Variants in IFT88 observed in about 807,000 individuals in gnomAD.
The protein encoded by IFT88 is intraflagellar transport 88, also known as intraflagellar transport protein 88 homolog.
IFT88 carries 74 observed loss-of-function variants against 119.5 expected under a neutral mutation model. That is an observed-to-expected ratio of 0.62 (90% CI 0.51 to 0.75). The LOEUF (loss-of-function observed/expected upper bound fraction) is 0.75, where lower values mean the gene tolerates loss of function less well. IFT88 is among the 30% of genes least tolerant of loss of function. The pLI is 0.00. For synonymous variants in IFT88, 279 were observed against 316.7 expected, an observed-to-expected ratio of 0.88 and a Z score of 1.26; for missense variants, 961 against 977.7, an observed-to-expected ratio of 0.98 and a Z score of 0.23.
At position 20,666,822 on chromosome 13, in the gene IFT88, G is replaced by C. The variant is rs552000782; in HGVS notation, c.2175+3218G>C. On this transcript the variant is annotated intron_variant, in intron 23 of 25. Coordinates refer to ENST00000351808, the MANE Select transcript of IFT88 (RefSeq NM_006531.5). ...TTTAATCCAAACAAAAATATATAAA[G>C]AAAAAAGTGAAAATCACCTATCCCA... 3.9e-5 allele frequency among the ~76,000 whole-genome samples: 6 copies of C among 152,154 alleles called. No individual in the cohort carries two copies. In the East Asian group the frequency reaches 1.2e-3, roughly 29 times the overall value.
intron 24 of IFT88, among the ~76,000 whole-genome samples, chr13:20,675,240 A>G (rs1460181195): frequency 6.6e-6 from 1 of 151,998 alleles, no homozygotes; most frequent in Admixed American, 6.5e-5. Flanking sequence ...CTGGACATCT[A>G]TGTGGGGAGG....
chr13:20,577,245 C>G (rs986021384), intron 2 of IFT88, among the ~76,000 whole-genome samples: 1 of 152,112 alleles, frequency 6.6e-6, no homozygotes, highest in African/African-American at 2.4e-5. Flanking sequence ...TTTATCAGTT[C>G]TAATAGTTTT....
intron 20 of IFT88, among the ~76,000 whole-genome samples, chr13:20,651,791 G>T (rs1188362217): frequency 6.6e-6 from 1 of 152,010 alleles, no homozygotes; most frequent in Non-Finnish European, 1.5e-5. Flanking sequence ...TATATATAGG[G>T]TTCAGTAGTA....
intron 14 of IFT88, among the ~76,000 whole-genome samples, chr13:20,624,365 C>T (rs1036853390): frequency 3.3e-5 from 5 of 152,132 alleles, no homozygotes; most frequent in Admixed American, 1.3e-4. Flanking sequence ...GGAACCTACA[C>T]GTGTTCAGCT....
chr13:20,632,833 G>GA (rs1438074842), intron 16 of IFT88, among the ~76,000 whole-genome samples: 2 of 152,064 alleles, frequency 1.3e-5, no homozygotes, highest in Admixed American at 6.5e-5. Context: ...TAACAAATGA[G>GA]AAAAAAAGTC....
At chr13:20,580,883 G>A (rs1357121284) in intron 2 of IFT88, among the ~76,000 whole-genome samples, 3 of 151,772 alleles carry the variant, frequency 2.0e-5, no homozygotes, top group African/African-American at 4.8e-5. Context: ...CCGCCACCAC[G>A]CCTGGCTAAT....
intron 16 of IFT88, among the ~76,000 whole-genome samples, chr13:20,633,128 A>G (rs2048457978): frequency 1.3e-5 from 2 of 152,186 alleles, no homozygotes; most frequent in African/African-American, 4.8e-5. Context: ...CATTTTTTGT[A>G]ATGATGGAAG....
intron 13 of IFT88, among the ~76,000 whole-genome samples, chr13:20,613,306 T>C (rs573134520): frequency 6.6e-6 from 1 of 152,148 alleles, no homozygotes; most frequent in South Asian, 2.1e-4. Context: ...TCAAAATAGA[T>C]ACACAGATGC....
At chr13:20,662,686 A>G (rs1381423116) in intron 22 of IFT88, among the ~76,000 whole-genome samples, 2 of 152,262 alleles carry the variant, frequency 1.3e-5, no homozygotes, top group Non-Finnish European at 2.9e-5. Flanking sequence ...ATTTTAAAGT[A>G]ATTTAGACCA....
chr13:20,602,721 G>A (rs190134929), intron 12 of IFT88, among the ~76,000 whole-genome samples: 45 of 151,968 alleles, frequency 3.0e-4, no homozygotes, highest in Middle Eastern at 3.4e-3. Flanking sequence ...TGTCTCTACC[G>A]AAAATACAAA....
At chr13:20,676,013 A>G (rs1188800253) in intron 24 of IFT88, among the ~76,000 whole-genome samples, 3 of 152,222 alleles carry the variant, frequency 2.0e-5, no homozygotes, top group African/African-American at 7.2e-5. Flanking sequence ...CCTGGTATAC[A>G]GCTTGAACAG....
chr13:20,656,122 T>TAA (rs60352862), intron 21 of IFT88, among the ~76,000 whole-genome samples: 1 of 104,768 alleles, frequency 9.5e-6, no homozygotes, highest in Non-Finnish European at 1.8e-5. Context: ...CTCGTCTCTT[T>TAA]AAAAAAAAAA....
At chr13:20,581,652 G>T (rs1178595406) in intron 2 of IFT88, among the ~76,000 whole-genome samples, 1 of 151,736 alleles carries the variant, frequency 6.6e-6, no homozygotes, top group Non-Finnish European at 1.5e-5. Context: ...AGCTCAGTTT[G>T]AGACCAGCCT....
At chr13:20,672,154 A>AT (rs1667141344) in intron 24 of IFT88, among the ~76,000 whole-genome samples, 1 of 152,138 alleles carries the variant, frequency 6.6e-6, no homozygotes. Flanking sequence ...GACTCCTTGA[A>AT]TTCAGAGCTG....
chr13:20,657,725 G>A (rs1020455357), intron 22 of IFT88, among the ~76,000 whole-genome samples: 2 of 151,936 alleles, frequency 1.3e-5, no homozygotes, highest in African/African-American at 4.8e-5. Flanking sequence ...GTCAGGAGTT[G>A]AAGACCAGCC....
chr13:20,606,517 A>C (rs2043489338), intron 13 of IFT88, among the ~76,000 whole-genome samples: 1 of 152,188 alleles, frequency 6.6e-6, no homozygotes, highest in Non-Finnish European at 1.5e-5. Context: ...AGTGGTATCC[A>C]GAAAGCCAGC....
intron 12 of IFT88, among the ~76,000 whole-genome samples, chr13:20,602,883 G>GA (rs927160926): frequency 5.2e-4 from 73 of 141,658 alleles, no homozygotes; most frequent in Admixed American, 1.3e-3. Context: ...ACTCTGTCTT[G>GA]AAAAAAAAAA....
intron 24 of IFT88, among the ~76,000 whole-genome samples, chr13:20,678,985 T>C (rs985982493): frequency 6.6e-6 from 1 of 152,232 alleles, no homozygotes; most frequent in Non-Finnish European, 1.5e-5. Flanking sequence ...CTTCAAGCAC[T>C]TCAGTTCCTG....
chr13:20,627,990 C>T (rs2047619937), intron 15 of IFT88, among the ~76,000 whole-genome samples: 1 of 151,922 alleles, frequency 6.6e-6, no homozygotes, highest in African/African-American at 2.4e-5. Flanking sequence ...GCTGCTTTCA[C>T]TCTGTCTTTC....
Sources: allele counts gnomAD v4.1 joint callset (sites outside exome capture counted in the v4.1 genomes callset), GRCh38; gene constraint gnomAD v4.1.1; transcripts MANE v1.5; gene names NCBI Gene and HGNC (gene_info 2026-07-23, HGNC 2026-07-21).